MAGI2: variants seen among roughly 807,000 people sequenced by gnomAD.
The protein encoded by MAGI2 is membrane-associated guanylate kinase, WW and PDZ domain-containing protein 2.
In MAGI2, 35 loss-of-function variants were observed where a neutral mutation model predicts 133.3. The observed-to-expected ratio is 0.26, with a 90% CI of 0.20 to 0.35. MAGI2 has a LOEUF of 0.35. Among genes scored for constraint, MAGI2 ranks in the 10% least tolerant of loss-of-function variants. The pLI, the probability that MAGI2 is intolerant of heterozygous loss-of-function variation, is 1.00. For missense variants in MAGI2, 1,636 were observed against 1,863.4 expected (o/e 0.88, Z 2.25); for synonymous variants, 729 against 710.6 (o/e 1.03, Z -0.41).
At chr7:79,432,712 G>C (rs1054867349) in intron 1 of MAGI2, among the ~76,000 whole-genome samples, 1 of 152,216 alleles carries the variant, frequency 6.6e-6, no homozygotes, top group Admixed American at 6.5e-5. Context: ...GGAAGGAGCT[G>C]AATTATAAGT....
intron 6 of MAGI2, among the ~76,000 whole-genome samples, chr7:78,421,540 A>G (rs1445103058): frequency 6.6e-6 from 1 of 152,240 alleles, no homozygotes; most frequent in Non-Finnish European, 1.5e-5. Context: ...TTGGTCGGGC[A>G]TGCTGGCTCA....
intron 1 of MAGI2, among the ~76,000 whole-genome samples, chr7:79,228,811 T>C (rs1831101796): frequency 6.6e-6 from 1 of 152,124 alleles, no homozygotes; most frequent in African/African-American, 2.4e-5. Flanking sequence ...TTCAGGTCAT[T>C]CTAGATCTAA....
rs1738279246 is a variant in MAGI2, at chr7:78,950,695, G to A, written c.418+56395C>T. Reference sequence around the variant, plus strand: ...AAACACAGCAGTCTTTATGAGAAAAGATAAGGACTTGTTCATTTGTAGATA... The same window carrying A: ...AAACACAGCAGTCTTTATGAGAAAAAATAAGGACTTGTTCATTTGTAGATA... On this transcript the variant is annotated intron_variant, in intron 2 of 21. Transcript: ENST00000354212. 5.9e-5 allele frequency among the ~76,000 whole-genome samples: 9 copies of A among 152,204 alleles called. 1 individual carries two copies. The South Asian group carries it at 1.9e-3, about 32-fold the overall frequency.
chr7:79,346,690 T>C (rs957651705), intron 1 of MAGI2, among the ~76,000 whole-genome samples: 1 of 151,980 alleles, frequency 6.6e-6, no homozygotes, highest in Non-Finnish European at 1.5e-5. Context: ...TCTATACTCC[T>C]GGGTTATTGC....
intron 2 of MAGI2, among the ~76,000 whole-genome samples, chr7:78,660,286 A>T (rs944628003): frequency 6.6e-6 from 1 of 152,136 alleles, no homozygotes; most frequent in Non-Finnish European, 1.5e-5. Context: ...AAAATAATAA[A>T]AAAAAAGACC....
chr7:79,341,153 G>A (rs898676700), intron 1 of MAGI2, among the ~76,000 whole-genome samples: 1 of 152,112 alleles, frequency 6.6e-6, no homozygotes, highest in African/African-American at 2.4e-5. Context: ...GTCAAGAAAT[G>A]CCTGAAATAC....
chr7:79,381,312 T>C (rs551020621), intron 1 of MAGI2, among the ~76,000 whole-genome samples: 11 of 151,768 alleles, frequency 7.2e-5, no homozygotes, highest in Non-Finnish European at 1.6e-4. Context: ...GGGAAATCTA[T>C]AATATTCTCT....
intron 2 of MAGI2, among the ~76,000 whole-genome samples, chr7:78,949,298 C>G (rs1448529260): frequency 6.6e-6 from 1 of 152,146 alleles, no homozygotes; most frequent in South Asian, 2.1e-4. Flanking sequence ...TTATTGCTTG[C>G]TGTTTTATTT....
intron 20 of MAGI2, among the ~76,000 whole-genome samples, chr7:78,104,644 C>T (rs75290272): frequency 0.039 from 5,986 of 152,256 alleles, 136 homozygotes; most frequent in East Asian, 0.065. Context: ...TGCCATTTCA[C>T]ACTTTTAAGT....
chr7:79,221,573 G>A (rs1429184150), intron 1 of MAGI2, among the ~76,000 whole-genome samples: 1 of 152,022 alleles, frequency 6.6e-6, no homozygotes, highest in African/African-American at 2.4e-5. Context: ...CATGGAAGGA[G>A]CTGAAGGTGG....
rs1482834581 is a variant in MAGI2, at chr7:79,118,427, A to G, written c.302-111221T>C. Among the ~76,000 whole-genome samples, 4 of 152,296 alleles carry G rather than the reference A, an allele frequency of 2.6e-5. No homozygotes were observed. In the East Asian group the frequency reaches 5.8e-4, roughly 22 times the overall value. ...CATTCATTCCTACTTGCAGGAAGCT[A>G]GTTTGCAATCAACATAGAGCTAAAC... On this transcript the variant is annotated intron_variant, in intron 1 of 21. Coordinates refer to ENST00000354212, the MANE Select transcript of MAGI2 (RefSeq NM_012301.4).
chr7:78,289,430 T>C (rs191874104), intron 9 of MAGI2, among the ~76,000 whole-genome samples: 2 of 152,204 alleles, frequency 1.3e-5, no homozygotes, highest in East Asian at 3.9e-4. Context: ...GAACAAAGCC[T>C]CCAAGAAATA....
At chr7:79,097,049 A>T (rs1817578578) in intron 1 of MAGI2, among the ~76,000 whole-genome samples, 1 of 152,190 alleles carries the variant, frequency 6.6e-6, no homozygotes, top group Non-Finnish European at 1.5e-5. Flanking sequence ...CTAAAACATA[A>T]AAATGTGTTA....
chr7:78,801,878 T>C (rs985840165), intron 2 of MAGI2, among the ~76,000 whole-genome samples: 5 of 152,186 alleles, frequency 3.3e-5, no homozygotes, highest in Non-Finnish European at 7.4e-5. Context: ...ACCATTAAAC[T>C]TGTTCATTCA....
intron 10 of MAGI2, chr7:78,255,319 C>T (rs1455558805): frequency 6.4e-6 from 1 of 156,432 alleles, no homozygotes; most frequent in Non-Finnish European, 1.4e-5. Flanking sequence ...TGTTCTGTAA[C>T]TTTCTTCCCA....
chr7:79,396,523 T>C lies in MAGI2; in HGVS notation c.301+56497A>G, dbSNP rs375381424. 6.6e-5 allele frequency among the ~76,000 whole-genome samples: 10 copies of C among 152,308 alleles called. No individual in the cohort carries two copies. The East Asian group carries it at 1.4e-3, about 21-fold the overall frequency. Reference sequence around the variant, plus strand: ...AACATTTTTAACATAATATGGTTATTGAGAAAGATCCCTACTGAGAAACAA... The same window carrying C: ...AACATTTTTAACATAATATGGTTATCGAGAAAGATCCCTACTGAGAAACAA... On this transcript the variant is annotated intron_variant, in intron 1 of 21. Transcript: ENST00000354212.
intron 3 of MAGI2, among the ~76,000 whole-genome samples, chr7:78,556,979 T>G (rs891570974): frequency 6.7e-6 from 1 of 148,270 alleles, no homozygotes; most frequent in South Asian, 2.1e-4. Flanking sequence ...TAGTCCCAGC[T>G]ACTCAGGAGG....
chr7:78,485,423 T>A (rs567627167), intron 6 of MAGI2: 1 of 152,110 alleles, frequency 6.6e-6, no homozygotes, highest in South Asian at 2.1e-4. Context: ...TGTTTTTATG[T>A]TTAGTAGCAG....
At chr7:78,723,493 C>T (rs141074481) in intron 2 of MAGI2, among the ~76,000 whole-genome samples, 50 of 152,104 alleles carry the variant, frequency 3.3e-4, no homozygotes, top group African/African-American at 1.1e-3. Flanking sequence ...GGGGGAGAGG[C>T]AATGACAACA....
Sources: gnomAD v4.1 joint callset for allele counts (sites outside exome capture counted in the v4.1 genomes callset) on GRCh38, gnomAD v4.1.1 for gene constraint, MANE v1.5 for transcripts, NCBI Gene and HGNC (gene_info 2026-07-23, HGNC 2026-07-21) for gene names.